Variants in TAFA1 observed in about 807,000 individuals in gnomAD.
The protein encoded by TAFA1 is TAFA chemokine like family member 1, also known as chemokine-like protein TAFA-1.
A neutral mutation model predicts 18.5 loss-of-function variants in TAFA1; 4 were observed. The ratio of observed to expected loss-of-function variants is 0.22; its 90% confidence interval spans 0.11 to 0.49. The LOEUF is 0.49. TAFA1 is among the 20% of genes least tolerant of loss of function. The pLI is 0.98. For synonymous variants in TAFA1, 56 were observed against 55.2 expected, an observed-to-expected ratio of 1.01 and a Z score of -0.06; for missense variants, 147 against 169.0, an observed-to-expected ratio of 0.87 and a Z score of 0.72.
intron 2 of TAFA1, among the ~76,000 whole-genome samples, chr3:68,298,616 G>A (rs890563732): frequency 2.0e-5 from 3 of 152,170 alleles, no homozygotes; most frequent in South Asian, 4.1e-4. Context: ...TTGAATCATG[G>A]GGGTGTTTTC....
intron 3 of TAFA1, among the ~76,000 whole-genome samples, chr3:68,502,710 A>G (rs1257785004): frequency 6.6e-6 from 1 of 152,092 alleles, no homozygotes; most frequent in African/African-American, 2.4e-5. Context: ...CCTCCCAAGT[A>G]AAACAGCTCC....
intron 2 of TAFA1, among the ~76,000 whole-genome samples, chr3:68,162,174 C>T (rs1233546394): frequency 6.6e-6 from 1 of 152,064 alleles, no homozygotes; most frequent in Non-Finnish European, 1.5e-5. Context: ...ACTTCAGGAT[C>T]AAAGGTTCCT....
chr3:68,006,771 G>A (rs749338273), intron 2 of TAFA1, 27 bp downstream of exon 2: 1 of 1,445,454 alleles, frequency 6.9e-7, no homozygotes. Context: ...CTCCACTGCA[G>A]CCTCCTCCAG....
At chr3:68,174,620 C>T (rs948622625) in intron 2 of TAFA1, among the ~76,000 whole-genome samples, 2 of 151,938 alleles carry the variant, frequency 1.3e-5, no homozygotes, top group African/African-American at 4.8e-5. Context: ...GTGTATCTGG[C>T]GGAAGAAATT....
chr3:68,194,641 A>G (rs1385775924), intron 2 of TAFA1, among the ~76,000 whole-genome samples: 1 of 151,770 alleles, frequency 6.6e-6, no homozygotes, highest in Non-Finnish European at 1.5e-5. Context: ...TCCAGCCTCC[A>G]GAATTGTGAA....
intron 3 of TAFA1, among the ~76,000 whole-genome samples, chr3:68,434,810 G>A (rs2071241845): frequency 6.6e-6 from 1 of 152,044 alleles, no homozygotes; most frequent in Non-Finnish European, 1.5e-5. Context: ...ACTTCATTTT[G>A]CATTGTCTGT....
At chr3:68,339,767 G>A (rs2069048079) in intron 2 of TAFA1, among the ~76,000 whole-genome samples, 1 of 152,104 alleles carries the variant, frequency 6.6e-6, no homozygotes, top group Non-Finnish European at 1.5e-5. Context: ...TGCAAACTAT[G>A]ACTAGGCCAG....
Position 68,210,171 on chromosome 3 carries a change from G to A in TAFA1, c.118+203427G>A, listed in dbSNP as rs77802218. Among the ~76,000 whole-genome samples the A allele has an allele frequency of 5.2e-3, 792 of 152,048 alleles. 4 individuals carry two copies. The highest frequency in any genetic ancestry group is 0.016 in the African/African-American group (671 of 41,516). On this transcript the variant is annotated intron_variant, in intron 2 of 4. Coordinates refer to ENST00000478136, the MANE Select transcript of TAFA1 (RefSeq NM_213609.4). ...CTTCCATTTGTTTTACCTTAGAAGC[G>A]TGATTCAGTTATCAAAACCTGAAGA...
chr3:68,137,954 C>G (rs1279718261), intron 2 of TAFA1, among the ~76,000 whole-genome samples: 2 of 149,864 alleles, frequency 1.3e-5, no homozygotes, highest in Non-Finnish European at 3.0e-5. Context: ...TTCTTTGTTA[C>G]CACACATGAC....
At chr3:68,234,772 GT>G (rs2066908687) in intron 2 of TAFA1, among the ~76,000 whole-genome samples, 1 of 152,150 alleles carries the variant, frequency 6.6e-6, no homozygotes, top group African/African-American at 2.4e-5. Flanking sequence ...TGTCATTGGT[GT>G]TTGCTGTAAA....
intron 2 of TAFA1, among the ~76,000 whole-genome samples, chr3:68,272,511 C>T (rs1421650908): frequency 7.9e-5 from 12 of 152,036 alleles, no homozygotes. Context: ...TAATGGGATG[C>T]AATAAATGGA....
chr3:68,478,498 C>A (rs1299345661), intron 3 of TAFA1, among the ~76,000 whole-genome samples: 2 of 152,148 alleles, frequency 1.3e-5, no homozygotes, highest in Non-Finnish European at 2.9e-5. Context: ...AATATTTATT[C>A]ACCTTCCATA....
chr3:68,277,622 A>T (rs527910478), intron 2 of TAFA1, among the ~76,000 whole-genome samples: 1 of 152,322 alleles, frequency 6.6e-6, no homozygotes, highest in South Asian at 2.1e-4. Context: ...GGACCCCAAG[A>T]TGCAAAAGAT....
At chr3:68,033,665 T>A (rs1186470016) in intron 2 of TAFA1, among the ~76,000 whole-genome samples, 2 of 152,142 alleles carry the variant, frequency 1.3e-5, no homozygotes, top group Non-Finnish European at 2.9e-5. Context: ...AAGGAATGGA[T>A]GGAATGAAAA....
intron 2 of TAFA1, among the ~76,000 whole-genome samples, chr3:68,376,935 G>C (rs2069830999): frequency 6.6e-6 from 1 of 152,070 alleles, no homozygotes; most frequent in African/African-American, 2.4e-5. Context: ...ATAAGTGTTT[G>C]ACAATTCCTC....
chr3:68,507,791 C>T (rs1045939843), intron 3 of TAFA1, among the ~76,000 whole-genome samples: 8 of 151,996 alleles, frequency 5.3e-5, no homozygotes, highest in Non-Finnish European at 7.4e-5. Flanking sequence ...ATACAAAAAC[C>T]GCACAACCCC....
chr3:68,263,860 A>C (rs903560320), intron 2 of TAFA1, among the ~76,000 whole-genome samples: 1 of 152,228 alleles, frequency 6.6e-6, no homozygotes, highest in South Asian at 2.1e-4. Context: ...ATTTAGACAA[A>C]CATTGATTTT....
intron 3 of TAFA1, among the ~76,000 whole-genome samples, chr3:68,503,085 C>T (rs2072684701): frequency 6.6e-6 from 1 of 152,114 alleles, no homozygotes; most frequent in South Asian, 2.1e-4. Context: ...TTTTGAGTGC[C>T]AGCATGACAG....
intron 3 of TAFA1, among the ~76,000 whole-genome samples, chr3:68,499,446 CTTTT>C (rs752597708): frequency 8.9e-6 from 1 of 112,176 alleles, no homozygotes; most frequent in Admixed American, 8.9e-5. Flanking sequence ...GTGTTCCTTT[CTTTT>C]TTTTTTTTTT....
Sources: gnomAD v4.1 joint callset for allele counts (sites outside exome capture counted in the v4.1 genomes callset) on GRCh38, gnomAD v4.1.1 for gene constraint, MANE v1.5 for transcripts, NCBI Gene and HGNC (gene_info 2026-07-23, HGNC 2026-07-21) for gene names.